The following SGCZ variants were observed in gnomAD, a reference collection of about 807,000 sequenced individuals.
SGCZ encodes zeta-sarcoglycan.
In SGCZ, 40 loss-of-function variants were observed where a neutral mutation model predicts 41.3. That is an observed-to-expected ratio of 0.97 (90% CI 0.75 to 1.26). The LOEUF (loss-of-function observed/expected upper bound fraction) is 1.26. SGCZ is among the 50% of genes most tolerant of loss of function. SGCZ has a pLI of 0.00. For missense variants in SGCZ, 552 were observed against 369.8 expected, an observed-to-expected ratio of 1.49 and a Z score of -4.04; for synonymous variants, 206 against 137.5, an observed-to-expected ratio of 1.50 and a Z score of -3.49.
chr8:14,691,602 A>G (rs1432299836), intron 1 of SGCZ, among the ~76,000 whole-genome samples: 1 of 152,082 alleles, frequency 6.6e-6, no homozygotes, highest in African/African-American at 2.4e-5. Context: ...TATTACTGAT[A>G]TGAATAATGT....
chr8:15,172,154 G>GTTTTTTTTTTTTTTT (rs1183210302), intron 1 of SGCZ, among the ~76,000 whole-genome samples: 3 of 71,766 alleles, frequency 4.2e-5, no homozygotes, highest in African/African-American at 1.5e-4. Context: ...TTTATACTCT[G>GTTTTTTTTTTTTTTT]TTTTTTTTTT....
chr8:15,011,848 T>G (rs1802837256), intron 1 of SGCZ, among the ~76,000 whole-genome samples: 1 of 152,198 alleles, frequency 6.6e-6, no homozygotes, highest in Non-Finnish European at 1.5e-5. Flanking sequence ...GATGGTGGCT[T>G]TTAAAATCAC....
chr8:14,843,305 T>C (rs1802989675), intron 1 of SGCZ, among the ~76,000 whole-genome samples: 1 of 151,836 alleles, frequency 6.6e-6, no homozygotes, highest in South Asian at 2.1e-4. Flanking sequence ...AATATGGGGG[T>C]TTAAAACACG....
chr8:14,498,752 T>A (rs34119449), intron 2 of SGCZ, among the ~76,000 whole-genome samples: 28,753 of 152,072 alleles, frequency 0.19, 3,296 homozygotes, highest in Admixed American at 0.26. Flanking sequence ...ATCTTATTTA[T>A]ATTAATCCCT....
intron 5 of SGCZ, among the ~76,000 whole-genome samples, chr8:14,158,763 T>C (rs1297339671): frequency 1.3e-5 from 2 of 152,126 alleles, no homozygotes; most frequent in African/African-American, 4.8e-5. Flanking sequence ...TATATATATA[T>C]AGTTTTCTAT....
chr8:15,162,582 C>A, intron 1 of SGCZ, among the ~76,000 whole-genome samples: 1 of 152,182 alleles, frequency 6.6e-6, no homozygotes, highest in Admixed American at 6.5e-5. Flanking sequence ...TTTCACTTAT[C>A]TTATGGCATC....
intron 1 of SGCZ, among the ~76,000 whole-genome samples, chr8:14,781,843 A>G (rs1800598223): frequency 2.0e-5 from 3 of 152,328 alleles, no homozygotes; most frequent in South Asian, 2.1e-4. Flanking sequence ...CAAAAGGACT[A>G]CTTAATAATA....
At chr8:15,213,267 T>C (rs1044889142) in intron 1 of SGCZ, among the ~76,000 whole-genome samples, 3 of 151,966 alleles carry the variant, frequency 2.0e-5, no homozygotes, top group African/African-American at 7.2e-5. Flanking sequence ...CCTCAAATTA[T>C]TTGTTAAGTA....
intron 1 of SGCZ, among the ~76,000 whole-genome samples, chr8:15,187,177 G>C (rs945121057): frequency 6.6e-6 from 1 of 152,084 alleles, no homozygotes; most frequent in African/African-American, 2.4e-5. Context: ...AGTAAATAAA[G>C]CCACTTATGG....
At chr8:14,880,467 G>A (rs971169313) in intron 1 of SGCZ, among the ~76,000 whole-genome samples, 1 of 152,222 alleles carries the variant, frequency 6.6e-6, no homozygotes, top group African/African-American at 2.4e-5. Context: ...ATACCCAAAG[G>A]AGTATAAATC....
intron 1 of SGCZ, among the ~76,000 whole-genome samples, chr8:14,717,247 T>C (rs1316581209): frequency 2.6e-5 from 4 of 152,138 alleles, no homozygotes; most frequent in Admixed American, 2.0e-4. Flanking sequence ...TGTTAATATT[T>C]AAGCAAATGA....
At chr8:15,010,655 G>C (rs1371460885) in intron 1 of SGCZ, among the ~76,000 whole-genome samples, 1 of 152,150 alleles carries the variant, frequency 6.6e-6, no homozygotes, top group Non-Finnish European at 1.5e-5. Context: ...GATGGTTCGT[G>C]TACTGTCAGT....
chr8:14,345,818 C>T (rs540517417), intron 2 of SGCZ, among the ~76,000 whole-genome samples: 129 of 152,202 alleles, frequency 8.5e-4, no homozygotes, highest in Non-Finnish European at 1.5e-3. Flanking sequence ...AAACTCCATC[C>T]CTTCCTACTG....
At chr8:14,872,173 T>C (rs1288050135) in intron 1 of SGCZ, among the ~76,000 whole-genome samples, 5 of 151,864 alleles carry the variant, frequency 3.3e-5, no homozygotes, top group Non-Finnish European at 7.4e-5. Context: ...TGACAGGGCA[T>C]GAGGGGCTAG....
Position 15,082,418 on chromosome 8 carries a change from A to G in SGCZ, c.39+155167T>C, listed in dbSNP as rs531752806. 1.3e-3 allele frequency among the ~76,000 whole-genome samples: 182 copies of G among 135,280 alleles called. 1 individual carries two copies. Among genetic ancestry groups the G allele is most frequent in the African/African-American group, 4.4e-3 (167 of 38,266 alleles). The allele number at this position is 135,280 out of a possible 152,430, so 88.7% of individuals were successfully genotyped here. ...TATACACACATATACACACACACATATATATGTGTGTGTGTATATCTCTAA... is the reference window on the plus strand; with the variant it reads ...TATACACACATATACACACACACATGTATATGTGTGTGTGTATATCTCTAA... On this transcript the variant is annotated intron_variant, in intron 1 of 7. Transcript: ENST00000382080.
chr8:14,592,733 T>C (rs1233346487), intron 1 of SGCZ, among the ~76,000 whole-genome samples: 1 of 152,196 alleles, frequency 6.6e-6, no homozygotes, highest in Non-Finnish European at 1.5e-5. Context: ...CATTAACATC[T>C]AACTAAATTT....
chr8:14,213,987 C>T (rs933721925), intron 4 of SGCZ, among the ~76,000 whole-genome samples: 1 of 151,870 alleles, frequency 6.6e-6, no homozygotes, highest in Admixed American at 6.6e-5. Flanking sequence ...ATAGCAAGTT[C>T]AACATGTTAA....
At chr8:14,481,669 T>G (rs865866566) in intron 2 of SGCZ, among the ~76,000 whole-genome samples, 53 of 152,102 alleles carry the variant, frequency 3.5e-4, no homozygotes, top group African/African-American at 1.3e-3. Context: ...TTTATTAATA[T>G]TTATTACCTA....
At chr8:15,138,810 T>C (rs1424340555) in intron 1 of SGCZ, among the ~76,000 whole-genome samples, 1 of 152,086 alleles carries the variant, frequency 6.6e-6, no homozygotes, top group Non-Finnish European at 1.5e-5. Flanking sequence ...ACAGCTAAGA[T>C]AAAAATGTTT....
Sources: allele counts gnomAD v4.1 joint callset (sites outside exome capture counted in the v4.1 genomes callset), GRCh38; gene constraint gnomAD v4.1.1; transcripts MANE v1.5; gene names NCBI Gene and HGNC (gene_info 2026-07-23, HGNC 2026-07-21).